SH3D19: variants seen among roughly 807,000 people sequenced by gnomAD.
SH3D19 encodes the protein SH3 domain-containing protein 19.
SH3D19 carries 58 observed loss-of-function variants against 112.1 expected under a neutral mutation model. The ratio of observed to expected loss-of-function variants is 0.52; its 90% CI spans 0.42 to 0.64. The LOEUF is 0.64. SH3D19 is among the 30% of genes least tolerant of loss of function. The pLI is 0.00. For synonymous variants in SH3D19, 391 were observed against 448.5 expected, an observed-to-expected ratio of 0.87 and a Z score of 1.62; for missense variants, 1,090 against 1,263.4, an observed-to-expected ratio of 0.86 and a Z score of 2.08.
chr4:151,251,294 G>A lies in SH3D19; in HGVS notation c.113-25208C>T, dbSNP rs375142866. 9.2e-5 allele frequency among the ~76,000 whole-genome samples: 14 copies of A among 151,606 alleles called. 1 individual carries two copies. The highest frequency in any genetic ancestry group is 3.4e-4 in the African/African-American group (14 of 41,276). ...GCTCACTGCAACCTCTGCCTCCAGGGTTCAAGGGATTCTCCTGCCTCAGCC... is the reference window on the plus strand; with the variant it reads ...GCTCACTGCAACCTCTGCCTCCAGGATTCAAGGGATTCTCCTGCCTCAGCC... On this transcript the variant is annotated intron_variant, in intron 1 of 19. Transcript: ENST00000604030.
chr4:151,245,820 C>T (rs1363872107), intron 1 of SH3D19, among the ~76,000 whole-genome samples: 3 of 152,106 alleles, frequency 2.0e-5, no homozygotes, highest in African/African-American at 7.2e-5. Context: ...CAGGCTGTCT[C>T]GAACTCCTTG....
At chr4:151,239,621 G>A (rs1161980363) in intron 1 of SH3D19, among the ~76,000 whole-genome samples, 1 of 152,148 alleles carries the variant, frequency 6.6e-6, no homozygotes, top group Admixed American at 6.5e-5. Flanking sequence ...CGAAGCATAG[G>A]AAGCTACACA....
In SH3D19 at chr4:151,133,120, C is replaced by T. The variant is rs1157958217; in HGVS notation, c.2603G>A (p.Gly868Glu). 2.5e-6 allele frequency: 4 copies of T among 1,614,054 alleles called. No individual in the cohort carries two copies. Among genetic ancestry groups the T allele is most frequent in the Non-Finnish European group, 3.4e-6 (4 of 1,180,010 alleles). Reference sequence around the variant, plus strand: ...AATCCCAGTTCTGCCTCGAACTTCTCCTCTGGCCCATTCCTCATTCACATA... The same window carrying T: ...AATCCCAGTTCTGCCTCGAACTTCTTCTCTGGCCCATTCCTCATTCACATA... ...KEYVNEEWAR[G>E]EVRGRTGIFP... Residue 868 changes from glycine to glutamate, a missense_variant, in exon 16 of 20, where the codon GGA becomes GAA. Transcript: ENST00000604030.
At chr4:151,186,661 C>G (rs1761827497) in intron 3 of SH3D19, among the ~76,000 whole-genome samples, 2 of 152,004 alleles carry the variant, frequency 1.3e-5, no homozygotes, top group East Asian at 1.9e-4. Flanking sequence ...CTTGGAACTC[C>G]TGACCTCAGG....
intron 2 of SH3D19, among the ~76,000 whole-genome samples, chr4:151,224,587 A>G (rs1276458955): frequency 6.6e-6 from 1 of 152,184 alleles, no homozygotes; most frequent in African/African-American, 2.4e-5. Context: ...GTTCAGTCCA[A>G]TCTTCAGAAT....
At chr4:151,325,027 T>G (rs907667463) in intron 1 of SH3D19, among the ~76,000 whole-genome samples, 5 of 152,184 alleles carry the variant, frequency 3.3e-5, no homozygotes, top group Non-Finnish European at 7.4e-5. Context: ...GTACGACCAC[T>G]AGCAGTTAAA....
intron 1 of SH3D19, chr4:151,291,324 G>C: frequency 6.2e-7 from 1 of 1,613,872 alleles, no homozygotes; most frequent in Non-Finnish European, 8.5e-7. Context: ...TACTCTCTCT[G>C]GCTCTCCTGC....
chr4:151,257,334 C>T (rs948930582), intron 1 of SH3D19, among the ~76,000 whole-genome samples: 6 of 152,086 alleles, frequency 3.9e-5, no homozygotes, highest in East Asian at 1.9e-4. Context: ...GTGATCCACC[C>T]GCCTTAGCCT....
chr4:151,193,590 T>C (rs188397885), intron 2 of SH3D19, among the ~76,000 whole-genome samples: 33 of 152,308 alleles, frequency 2.2e-4, no homozygotes, highest in Admixed American at 1.8e-3. Context: ...TTTGAAACCA[T>C]GTGTAATATA....
At chr4:151,132,427 A>T (rs1750923047) in intron 16 of SH3D19, 44 bp from the exon 17 acceptor site, 7 of 1,554,130 alleles carry the variant, frequency 4.5e-6, no homozygotes, top group Non-Finnish European at 5.3e-6. Flanking sequence ...AGAACATTAG[A>T]TGTGAAGGCC....
rs573235113 is a variant in SH3D19 at position 151,268,807 on chromosome 4, A to G, written c.113-42721T>C. On this transcript the variant is annotated intron_variant, in intron 1 of 19. Transcript: ENST00000604030. ...ATGGCTGCATAATATTCCATGGTGT[A>G]TATGTGCCACATTTTCTTAATCCAG... Among the ~76,000 whole-genome samples the G allele has an allele frequency of 2.7e-5, 4 of 148,824 alleles. 1 individual carries two copies. Among genetic ancestry groups the G allele is most frequent in the Admixed American group, 6.7e-5 (1 of 14,904 alleles).
intron 2 of SH3D19, among the ~76,000 whole-genome samples, chr4:151,213,566 G>C (rs1766325625): frequency 6.6e-6 from 1 of 152,080 alleles, no homozygotes; most frequent in Admixed American, 6.5e-5. Context: ...AACTGCTTGA[G>C]CCTAGGAGGT....
At chr4:151,278,453 G>C (rs1488084793) in intron 1 of SH3D19, among the ~76,000 whole-genome samples, 2 of 141,934 alleles carry the variant, frequency 1.4e-5, no homozygotes, top group African/African-American at 2.6e-5. Flanking sequence ...CCCAAAAGAA[G>C]AAAAAAAAAA....
intron 1 of SH3D19, among the ~76,000 whole-genome samples, chr4:151,296,787 A>AT (rs1414144036): frequency 6.6e-6 from 1 of 152,050 alleles, no homozygotes; most frequent in Non-Finnish European, 1.5e-5. Context: ...CCTATGAGCA[A>AT]TTTTTTTCCT....
chr4:151,318,970 C>A (rs1422222126), intron 1 of SH3D19, among the ~76,000 whole-genome samples: 3 of 152,130 alleles, frequency 2.0e-5, no homozygotes, highest in African/African-American at 7.2e-5. Flanking sequence ...AAGCAGGGAG[C>A]CTATTTTATA....
At chr4:151,246,556 G>A (rs943631573) in intron 1 of SH3D19, among the ~76,000 whole-genome samples, 1 of 152,158 alleles carries the variant, frequency 6.6e-6, no homozygotes, top group Admixed American at 6.5e-5. Flanking sequence ...ATAGAAAGGT[G>A]AGATAAATTT....
chr4:151,277,393 T>C (rs1043594119), intron 1 of SH3D19, among the ~76,000 whole-genome samples: 1 of 151,962 alleles, frequency 6.6e-6, no homozygotes, highest in African/African-American at 2.4e-5. Flanking sequence ...ATGCTCCCGA[T>C]TGGAAATAGC....
At chr4:151,186,880 T>C (rs1319482500) in intron 3 of SH3D19, among the ~76,000 whole-genome samples, 1 of 141,960 alleles carries the variant, frequency 7.0e-6, no homozygotes, top group South Asian at 2.3e-4. Context: ...CTGCAACCTC[T>C]GCCTCCCGGG....
intron 2 of SH3D19, among the ~76,000 whole-genome samples, chr4:151,199,003 C>T (rs1763991509): frequency 1.4e-5 from 2 of 145,082 alleles, no homozygotes; most frequent in South Asian, 2.2e-4. Context: ...TAGCAGCCTT[C>T]CCACCAGCTA....
Sources: allele counts gnomAD v4.1 joint callset (sites outside exome capture counted in the v4.1 genomes callset), GRCh38; gene constraint gnomAD v4.1.1; transcripts MANE v1.5; gene names NCBI Gene and HGNC (gene_info 2026-07-23, HGNC 2026-07-21).